The following STRC variants were observed in gnomAD, a reference collection of about 807,000 sequenced individuals.
The protein encoded by STRC is stereocilin.
In STRC, 43 loss-of-function variants were observed where a neutral mutation model predicts 103.5. The observed-to-expected ratio is 0.42, with a 90% CI of 0.33 to 0.54. The LOEUF (loss-of-function observed/expected upper bound fraction) is 0.54. Among genes scored for constraint, STRC ranks in the 20% least tolerant of loss-of-function variants. The pLI is 0.14. For missense variants in STRC, 499 were observed against 1,088.5 expected (o/e 0.46, Z 7.62); for synonymous variants, 186 against 442.3 (o/e 0.42, Z 7.27).
At position 43,604,750 on chromosome 15, in the gene STRC, G is replaced by C. The variant is rs144948296; in HGVS notation, c.4027C>G (p.Gln1343Glu). The change falls in exon 20 of 29, where the codon CAG becomes GAG. Residue 1343 changes from glutamine (Q) to glutamate (E), a missense_variant. Coordinates refer to ENST00000450892, the MANE Select transcript of STRC (RefSeq NM_153700.2). ...TGACTGAGATGGGACAGCAGGATCTGTAGGGGGATCTGTCGTGTGCTCTCT... is the reference window on the plus strand; with the variant it reads ...TGACTGAGATGGGACAGCAGGATCTCTAGGGGGATCTGTCGTGTGCTCTCT... ...GTESTRQIPL[Q>E]ILLSHLSQLQ... 1 of 1,613,500 alleles carries C rather than the reference G, an allele frequency of 6.2e-7. No individual in the cohort carries two copies. Among genetic ancestry groups the C allele is most frequent in the African/African-American group, 1.3e-5 (1 of 74,856 alleles).
intron 26 of STRC, 74 bp downstream of exon 26, chr15:43,600,460 G>A (rs1442601662): frequency 4.4e-6 from 7 of 1,598,194 alleles, no homozygotes; most frequent in Non-Finnish European, 6.0e-6. Flanking sequence ...AGAATTGCAG[G>A]GCAGTCTTCC....
intron 16 of STRC, 29 bp downstream of exon 16, chr15:43,609,247 C>G (rs1409542915): frequency 6.2e-7 from 1 of 1,607,666 alleles, no homozygotes; most frequent in Non-Finnish European, 8.5e-7. Context: ...TGGTCGAATT[C>G]AGCGCACTGC....
chr15:43,603,431 C>T lies in STRC; in HGVS notation c.4376-20G>A, dbSNP rs1292056796. 3 of 1,611,028 alleles carry T rather than the reference C, an allele frequency of 1.9e-6. No individual in the cohort carries two copies. Among genetic ancestry groups the T allele is most frequent in the Non-Finnish European group, 2.5e-6 (3 of 1,179,214 alleles). On this transcript the variant is annotated intron_variant, in intron 22 of 28. Transcript: ENST00000450892. ...CAGGTTCTGAAGGGGGAAGGCAGGGCCAGGAGGTCAGCGCAGTAATAAAAT... is the reference window on the plus strand; with the variant it reads ...CAGGTTCTGAAGGGGGAAGGCAGGGTCAGGAGGTCAGCGCAGTAATAAAAT...
chr15:43,602,069 C>G (rs2085673896), intron 23 of STRC, among the ~76,000 whole-genome samples: 1 of 135,520 alleles, frequency 7.4e-6, no homozygotes. Context: ...GAGCCAAGAT[C>G]ACACCACTGC....
intron 18 of STRC, among the ~76,000 whole-genome samples, chr15:43,606,539 G>A (rs1403415810): frequency 2.0e-5 from 3 of 150,940 alleles, no homozygotes; most frequent in African/African-American, 7.4e-5. Flanking sequence ...GGGAGAGGTT[G>A]CAGTGAGCCG....
chr15:43,603,385 G>A lies in STRC; in HGVS notation c.4402C>T (p.Arg1468Ter), dbSNP rs377480477. ...PEPVPNCADV[R>*]GTFPAAWSAT... is the part of the protein sequence containing the mutation. ...GACCAGGCTGCTGGGAATGTCCCTCGTACATCTGCACAATTTGGCACAGGT... is the reference window on the plus strand; with the variant it reads ...GACCAGGCTGCTGGGAATGTCCCTCATACATCTGCACAATTTGGCACAGGT... The change falls in exon 23 of 29, where the codon CGA becomes TGA. Residue 1468 changes from arginine to a stop codon, truncating the protein, a stop_gained. Transcript: ENST00000450892. LOFTEE classifies it high-confidence loss of function. 8.4e-5 allele frequency: 135 copies of A among 1,613,510 alleles called. 3 individuals carry two copies. The highest frequency in any genetic ancestry group is 1.6e-4 in the Middle Eastern group (1 of 6,078).
At chr15:43,607,007 A>G (rs1228509589) in intron 18 of STRC, among the ~76,000 whole-genome samples, 3 of 150,000 alleles carry the variant, frequency 2.0e-5, no homozygotes, top group African/African-American at 5.0e-5. Flanking sequence ...CTCAAAAAAA[A>G]AAAAAAAGAA....
In STRC at chr15:43,601,415, T is replaced by C. The variant is rs371525796; in HGVS notation, c.4682A>G (p.Asp1561Gly). 2.8e-5 allele frequency: 45 copies of C among 1,613,512 alleles called. No homozygotes were observed. Among genetic ancestry groups the C allele is most frequent in the Non-Finnish European group, 3.6e-5 (43 of 1,179,868 alleles). Residue 1561 changes from aspartate (D) to glycine (G), a missense_variant, in exon 24 of 29, where the codon GAT (aspartate) becomes GGT (glycine). Physicochemically the swap from Asp to Gly is moderately conservative, Grantham distance 94. Coordinates refer to ENST00000450892, the MANE Select transcript of STRC (RefSeq NM_153700.2). Reference protein sequence around the residue: ...WGVLSTLGQIDGWSTTQLRIV... With the variant: ...WGVLSTLGQIGGWSTTQLRIV... ...TGTTACCTGAGTGGTGCTCCAGCCATCTATCTGCCCCAGGGTGCTCAGCAC... is the reference window on the plus strand; with the variant it reads ...TGTTACCTGAGTGGTGCTCCAGCCACCTATCTGCCCCAGGGTGCTCAGCAC...
At chr15:43,603,811 T>G (rs951299807) in intron 22 of STRC, among the ~76,000 whole-genome samples, 185 bp downstream of exon 22, 10 of 151,938 alleles carry the variant, frequency 6.6e-5, no homozygotes, top group Admixed American at 2.6e-4. Flanking sequence ...AAAGAAAACT[T>G]AATAGTTTAC....
chr15:43,603,333 A>G lies in STRC; in HGVS notation c.4454T>C (p.Leu1485Pro). The G allele has an allele frequency of 6.2e-7, 1 of 1,613,810 alleles. No individual in the cohort carries two copies. The highest frequency in any genetic ancestry group is 8.5e-7 in the Non-Finnish European group (1 of 1,179,872). The change falls in exon 23 of 29, where the codon CTC (leucine) becomes CCC (proline). Residue 1485 changes from leucine (L) to proline (P), a missense_variant. Physicochemically the swap from Leu to Pro is moderately conservative, Grantham distance 98. Transcript: ENST00000450892. ...WSATQIAEME[L>P]SDFEDCLTLF... ...TGTCAGGCAGTCCTCAAAGTCTGAG[A>G]GCTCCATCTCTGCAATCTGGGTTGC...
chr15:43,608,695 C>T (rs1309630207), intron 16 of STRC, among the ~76,000 whole-genome samples: 1 of 125,832 alleles, frequency 7.9e-6, no homozygotes, highest in East Asian at 2.2e-4. Flanking sequence ...CACTGCACTC[C>T]AGCCTGGGCA....
chr15:43,601,805 GAC>G (rs2085671029), intron 23 of STRC: 2 of 478,244 alleles, frequency 4.2e-6, no homozygotes, highest in African/African-American at 3.9e-5. Flanking sequence ...ATGTGCATCA[GAC>G]ACAGAGACGC....
At chr15:43,604,566 T>C (rs565165728) in intron 20 of STRC, 84 bp downstream of exon 20, 37 of 1,612,136 alleles carry the variant, frequency 2.3e-5, no homozygotes, top group Non-Finnish European at 3.1e-5. Flanking sequence ...ACCTTAAGAA[T>C]ATGGAACAGG....
chr15:43,608,942 AAC>A (rs2085730045), intron 16 of STRC, among the ~76,000 whole-genome samples: 1 of 150,188 alleles, frequency 6.7e-6, no homozygotes, highest in African/African-American at 2.5e-5. Context: ...TCTTCACAGT[AAC>A]TACCTATGAG....
intron 23 of STRC, chr15:43,602,410 C>T (rs1480078283): frequency 4.6e-5 from 7 of 151,968 alleles, no homozygotes; most frequent in Non-Finnish European, 1.0e-4. Context: ...TCTCTAACTC[C>T]TGGGCTCAAG....
At position 43,613,233 on chromosome 15, in the gene STRC, TGCG is replaced by T; in HGVS notation, c.2481-5_2481-3del. On this transcript the variant is annotated splice_region_variant and splice_polypyrimidine_tract_variant and intron_variant, in intron 7 of 28. Transcript: ENST00000450892. Reference sequence around the variant, plus strand: ...CTGTAATCCCGGATGGCAGCCAGGCTGCGAGGAGTCATGGGTCTTAACCCTTTG... The same window carrying T: ...CTGTAATCCCGGATGGCAGCCAGGCTAGGAGTCATGGGTCTTAACCCTTTG... 3.2e-6 allele frequency: 1 copy of T among 316,774 alleles called. No individual in the cohort carries two copies. The highest frequency in any genetic ancestry group is 2.2e-5 in the South Asian group (1 of 45,096). The allele number at this position is 316,774 out of a possible 1,614,324, so 19.6% of individuals were successfully genotyped here. A position where few individuals can be genotyped will look rare whatever the true frequency, so the allele number is the denominator to read the frequency against.
rs147990592 is a variant in STRC, at chr15:43,601,527, G to T, written c.4570C>A (p.Arg1524Ser). 6.2e-6 allele frequency: 10 copies of T among 1,613,736 alleles called. No individual in the cohort carries two copies. In the East Asian group the frequency reaches 2.0e-4, roughly 32 times the overall value. ...CCAAGCTGCAGGATCTGCTCAGGACGAAATCCCCGGGGGGGACCCCACAAC... is the reference window on the plus strand; with the variant it reads ...CCAAGCTGCAGGATCTGCTCAGGACTAAATCCCCGGGGGGGACCCCACAAC... ...KQLWGPPRGFRPEQILQLGRL... is the reference protein window; with the variant it reads ...KQLWGPPRGFSPEQILQLGRL... The change falls in exon 24 of 29, where the codon CGT becomes AGT. Residue 1524 changes from arginine to serine, a missense_variant. By Grantham distance (110) the Arg-to-Ser change is moderately radical. Transcript: ENST00000450892.
At chr15:43,602,930 C>A (rs1457945364) in intron 23 of STRC, among the ~76,000 whole-genome samples, 3 of 151,480 alleles carry the variant, frequency 2.0e-5, no homozygotes, top group Non-Finnish European at 4.4e-5. Flanking sequence ...TAGGCGTGAG[C>A]CGCTGCACCC....
In STRC at chr15:43,599,773, G is replaced by C. The variant is rs2085650328; in HGVS notation, c.5240-13C>G. On this transcript the variant is annotated splice_polypyrimidine_tract_variant and intron_variant, in intron 28 of 28. Coordinates refer to ENST00000450892, the MANE Select transcript of STRC (RefSeq NM_153700.2). Reference sequence around the variant, plus strand: ...GCTGTACTTCGACCTATAATAGACAGGGAATGGGAGTAATATCACAACTCA... The same window carrying C: ...GCTGTACTTCGACCTATAATAGACACGGAATGGGAGTAATATCACAACTCA... The C allele has an allele frequency of 2.0e-6, 1 of 493,514 alleles. No individual in the cohort carries two copies. Among genetic ancestry groups the C allele is most frequent in the Non-Finnish European group, 3.5e-6 (1 of 288,454 alleles). The allele number at this position is 493,514 out of a possible 1,614,324, so 30.6% of individuals were successfully genotyped here.
Sources: allele counts gnomAD v4.1 joint callset (sites outside exome capture counted in the v4.1 genomes callset), GRCh38; gene constraint gnomAD v4.1.1; transcripts MANE v1.5; gene names NCBI Gene and HGNC (gene_info 2026-07-23, HGNC 2026-07-21).